ZNF469: variants seen among roughly 807,000 people sequenced by gnomAD.
ZNF469 encodes the protein zinc finger protein 469.
In ZNF469, 1 loss-of-function variant was observed where a neutral mutation model predicts 1.0. That is an observed-to-expected ratio of 1.00 (90% CI 0.35 to 4.73). The LOEUF (loss-of-function observed/expected upper bound fraction) is 4.73. ZNF469 is among the 30% of genes most tolerant of loss of function. The probability of loss-of-function intolerance (pLI) is 0.16; values close to 1 mark genes in which losing one functional copy is unlikely to be tolerated. For missense variants in ZNF469, 6,100 were observed against 5,356.3 expected, an observed-to-expected ratio of 1.14 and a Z score of -4.33; for synonymous variants, 2,703 against 2,363.4, an observed-to-expected ratio of 1.14 and a Z score of -4.17.
At chr16:88,327,862 C>T in the ZNF469 span, among the ~76,000 whole-genome samples, 15 of 152,182 alleles carry the variant, frequency 9.9e-5, no homozygotes, top group African/African-American at 3.6e-4. Flanking sequence ...CAGCTGGGGC[C>T]CACACACCCA....
At chr16:88,122,395 C>G in the ZNF469 span, among the ~76,000 whole-genome samples, 1 of 149,196 alleles carries the variant, frequency 6.7e-6, no homozygotes. Flanking sequence ...CAGATCACAT[C>G]CCGTCACTCA....
chr16:88,200,239 G>C, the ZNF469 span, among the ~76,000 whole-genome samples: 1 of 152,338 alleles, frequency 6.6e-6, no homozygotes, highest in South Asian at 2.1e-4. Flanking sequence ...GCAGGAGCCA[G>C]CGGGTGAAGT....
the ZNF469 span, among the ~76,000 whole-genome samples, chr16:88,189,032 A>G: frequency 6.6e-6 from 1 of 152,032 alleles, no homozygotes; most frequent in East Asian, 1.9e-4. The surrounding 1 kb of genome is among the most constrained non-coding windows in gnomAD (Gnocchi z 4.3). Context: ...TGTGTCTAGA[A>G]TGTTCCCCAA....
chr16:88,374,540 C>G, the ZNF469 span, among the ~76,000 whole-genome samples: 1 of 152,218 alleles, frequency 6.6e-6, no homozygotes, highest in Non-Finnish European at 1.5e-5. Flanking sequence ...GCTATGGGCA[C>G]TGGGGTGCCA....
chr16:88,353,010 C>A, the ZNF469 span, among the ~76,000 whole-genome samples: 1 of 152,150 alleles, frequency 6.6e-6, no homozygotes, highest in Non-Finnish European at 1.5e-5. Flanking sequence ...AAGTTGGGGG[C>A]GCCCAGGCAG....
In ZNF469 at chr16:88,429,669, C is replaced by T. The variant is rs971503961; in HGVS notation, c.2199C>T (p.Cys733=). ...ACCAGCTGGACGTGCTGCTGACCTG[C>T]AGGCAGTGTGACCGCAACTACAGCA... ...SLDQLDVLLT[C]RQCDRNYSSL... Residue 733 remains cysteine (C), a synonymous_variant, in exon 3 of 3, where the codon TGC becomes TGT. Coordinates refer to ENST00000565624, the MANE Select transcript of ZNF469 (RefSeq NM_001367624.2). 7.1e-6 allele frequency: 11 copies of T among 1,542,128 alleles called. No homozygotes were observed. Among genetic ancestry groups the T allele is most frequent in the South Asian group, 1.2e-5 (1 of 83,376 alleles).
the ZNF469 span, among the ~76,000 whole-genome samples, chr16:88,264,086 C>G: frequency 2.0e-5 from 3 of 152,078 alleles, no homozygotes; most frequent in Non-Finnish European, 4.4e-5. Flanking sequence ...TCCCCACCCC[C>G]CAGGACCTGC....
chr16:88,141,342 A>C, the ZNF469 span, among the ~76,000 whole-genome samples: 3 of 151,710 alleles, frequency 2.0e-5, no homozygotes, highest in Admixed American at 6.6e-5. Context: ...GGAAAGAAAC[A>C]TGCAGCCCGG....
chr16:88,176,050 A>C, the ZNF469 span, among the ~76,000 whole-genome samples: 1 of 152,202 alleles, frequency 6.6e-6, no homozygotes, highest in Non-Finnish European at 1.5e-5. Flanking sequence ...TCTTGCTTGT[A>C]GAAGTTCCCA....
the ZNF469 span, among the ~76,000 whole-genome samples, chr16:88,289,756 G>C: frequency 6.6e-6 from 1 of 152,162 alleles, no homozygotes; most frequent in East Asian, 1.9e-4. Context: ...TTAAGGTCCT[G>C]GTAACAGATG....
the ZNF469 span, among the ~76,000 whole-genome samples, chr16:88,305,840 GAC>G: frequency 1.3e-5 from 2 of 151,988 alleles, no homozygotes; most frequent in Non-Finnish European, 2.9e-5. Context: ...CACATGCCCA[GAC>G]ACAGATGCAC....
intron 1 of ZNF469, among the ~76,000 whole-genome samples, chr16:88,413,841 C>T (rs1905238975): frequency 6.6e-6 from 1 of 152,194 alleles, no homozygotes. Context: ...GGAGAGCGAC[C>T]GGGCCAGCCC....
chr16:88,200,089 G>A, the ZNF469 span, among the ~76,000 whole-genome samples: 3 of 151,744 alleles, frequency 2.0e-5, no homozygotes, highest in African/African-American at 7.3e-5. Context: ...GCCCCGGGGG[G>A]AGGATGACAG....
chr16:88,427,950 T>A lies in ZNF469; in HGVS notation c.480T>A (p.Ala160=). The change falls in exon 3 of 3, where the codon GCT becomes GCA. Residue 160 remains alanine, a synonymous_variant. Coordinates refer to ENST00000565624, the MANE Select transcript of ZNF469 (RefSeq NM_001367624.2). The part of the protein sequence containing the change: ...VDTPQGPGTG[A]PLRPGLPRTE... ...CCCCCCAGGGCCCTGGGACTGGAGC[T>A]CCACTCAGGCCGGGCCTCCCAAGGA... 1 of 1,549,774 alleles carries A rather than the reference T, an allele frequency of 6.5e-7. No individual in the cohort carries two copies. Among genetic ancestry groups the A allele is most frequent in the Non-Finnish European group, 8.7e-7 (1 of 1,146,848 alleles).
chr16:88,370,890 G>C, the ZNF469 span, among the ~76,000 whole-genome samples: 3 of 152,348 alleles, frequency 2.0e-5, no homozygotes, highest in East Asian at 5.8e-4. Context: ...TGGGGGTTAC[G>C]CTCTTGCTGA....
chr16:88,383,987 T>C (rs2092531846), intron 1 of ZNF469, among the ~76,000 whole-genome samples: 1 of 152,116 alleles, frequency 6.6e-6, no homozygotes, highest in Non-Finnish European at 1.5e-5. Context: ...CACCCAGTCC[T>C]TGTCCCTGCA....
intron 1 of ZNF469, among the ~76,000 whole-genome samples, chr16:88,397,483 A>AT (rs11432278): frequency 0.66 from 101,070 of 152,010 alleles, 34,141 homozygotes; most frequent in African/African-American, 0.77. Flanking sequence ...AAATTTCAGG[A>AT]TCTCAGGGGG....
chr16:88,148,610 A>G, the ZNF469 span, among the ~76,000 whole-genome samples: 1 of 152,198 alleles, frequency 6.6e-6, no homozygotes, highest in Non-Finnish European at 1.5e-5. Context: ...CTCCCAGGTC[A>G]CTGGTGTCCT....
At chr16:88,162,462 T>C in the ZNF469 span, among the ~76,000 whole-genome samples, 21 of 151,994 alleles carry the variant, frequency 1.4e-4, no homozygotes, top group Non-Finnish European at 2.6e-4. Context: ...GAATAATTAT[T>C]CTGCTTGTTT....
Sources: allele counts gnomAD v4.1 joint callset (sites outside exome capture counted in the v4.1 genomes callset), GRCh38; gene constraint gnomAD v4.1.1; non-coding constraint Gnocchi (gnomAD v3.1); transcripts MANE v1.5; gene names NCBI Gene and HGNC (gene_info 2026-07-23, HGNC 2026-07-21).